Variants in SYN2 observed in about 807,000 individuals in gnomAD.
SYN2 encodes the protein synapsin-2.
SYN2 carries 19 observed loss-of-function variants against 50.9 expected under a neutral mutation model. The observed-to-expected ratio is 0.37, with a 90% CI of 0.26 to 0.55. The LOEUF is 0.55. SYN2 is among the 20% of genes least tolerant of loss of function. SYN2 has a pLI of 0.81. For missense variants in SYN2, 587 were observed against 576.4 expected (o/e 1.02, Z -0.19); for synonymous variants, 255 against 224.9 (o/e 1.13, Z -1.20).
chr3:12,179,374 G>GAAAAAAA (rs536283283), intron 10 of SYN2, among the ~76,000 whole-genome samples: 66 of 92,558 alleles, frequency 7.1e-4, no homozygotes, highest in Non-Finnish European at 9.4e-4. Context: ...AGAACTGAAA[G>GAAAAAAA]AAAAAAAAAA....
chr3:12,122,271 A>C (rs1696577428), intron 1 of SYN2, among the ~76,000 whole-genome samples: 2 of 152,182 alleles, frequency 1.3e-5, no homozygotes, highest in South Asian at 4.1e-4. Flanking sequence ...TCCCAGAAGT[A>C]ATTTGAACTC....
At chr3:12,166,252 A>G (rs969409065) in intron 7 of SYN2, among the ~76,000 whole-genome samples, 11 of 152,220 alleles carry the variant, frequency 7.2e-5, no homozygotes, top group African/African-American at 2.4e-4. Flanking sequence ...GGCTCTGTCG[A>G]CAGTGTAAGC....
chr3:12,021,369 A>G (rs1223938073), intron 1 of SYN2, among the ~76,000 whole-genome samples: 2 of 152,262 alleles, frequency 1.3e-5, no homozygotes, highest in East Asian at 3.9e-4. Context: ...TTTGCAGCAC[A>G]TGGTATTATC....
chr3:12,136,313 A>G (rs1024878349), intron 1 of SYN2, among the ~76,000 whole-genome samples: 1 of 152,236 alleles, frequency 6.6e-6, no homozygotes, highest in Admixed American at 6.5e-5. Flanking sequence ...ACATTATTAA[A>G]TGAGGTAAAA....
At position 12,169,816 on chromosome 3, in the gene SYN2, CA is replaced by C; in HGVS notation, c.1219del (p.Thr407ProfsTer3). ...EHQVEDRQLI[T>X]ELVISKMNQL... ...ATCAGGTGGAGGACAGGCAACTCAT[CA>C]CCGAACTAGTCATCAGCAAGATGAA... is the stretch of plus-strand genomic sequence containing the variant. On this transcript the variant is annotated frameshift_variant, in exon 10 of 13. Transcript: ENST00000621198. LOFTEE classifies it high-confidence loss of function. 6.2e-7 allele frequency: 1 copy of C among 1,613,974 alleles called. No homozygotes were observed. The highest frequency in any genetic ancestry group is 8.5e-7 in the Non-Finnish European group (1 of 1,179,886).
chr3:12,150,369 A>G (rs567740117), intron 4 of SYN2, among the ~76,000 whole-genome samples: 1 of 152,372 alleles, frequency 6.6e-6, no homozygotes, highest in East Asian at 1.9e-4. Flanking sequence ...CCTGAAAGGC[A>G]GCTACTTGCA....
intron 10 of SYN2, among the ~76,000 whole-genome samples, chr3:12,179,685 G>C (rs1244867953): frequency 6.6e-6 from 1 of 152,184 alleles, no homozygotes; most frequent in East Asian, 1.9e-4. Context: ...GTGTAAAGTT[G>C]TCATTTCGAG....
At chr3:12,131,673 A>G (rs1178321576) in intron 1 of SYN2, among the ~76,000 whole-genome samples, 1 of 150,662 alleles carries the variant, frequency 6.6e-6, no homozygotes, top group Non-Finnish European at 1.5e-5. Flanking sequence ...CCTGTATTTG[A>G]TAATCTTGTT....
At chr3:12,114,740 TATTA>T (rs1574948395) in intron 1 of SYN2, among the ~76,000 whole-genome samples, 2 of 152,290 alleles carry the variant, frequency 1.3e-5, no homozygotes, top group Admixed American at 6.5e-5. Flanking sequence ...TTTAGAAACT[TATTA>T]TTTAGAAATG....
At chr3:12,091,287 T>C (rs1252751548) in intron 1 of SYN2, among the ~76,000 whole-genome samples, 1 of 152,196 alleles carries the variant, frequency 6.6e-6, no homozygotes, top group African/African-American at 2.4e-5. Flanking sequence ...ATTACTCTTA[T>C]TTAAGGAGCA....
rs112176398 is a variant in SYN2 at position 12,083,894 on chromosome 3, A to G, written c.378-56757A>G. On this transcript the variant is annotated intron_variant, in intron 1 of 12. Transcript: ENST00000621198. Reference sequence around the variant, plus strand: ...CTGCCAGCACTCTACCAAGTAAGAAATGACCAAAGTTAGGAACAGAGAAAT... The same window carrying G: ...CTGCCAGCACTCTACCAAGTAAGAAGTGACCAAAGTTAGGAACAGAGAAAT... 2.5e-3 allele frequency among the ~76,000 whole-genome samples: 374 copies of G among 152,350 alleles called. 1 individual carries two copies. Among genetic ancestry groups the G allele is most frequent in the Non-Finnish European group, 3.8e-3 (260 of 68,036 alleles).
At chr3:12,075,609 A>G (rs1574925915) in intron 1 of SYN2, among the ~76,000 whole-genome samples, 2 of 152,134 alleles carry the variant, frequency 1.3e-5, no homozygotes, top group Non-Finnish European at 2.9e-5. Context: ...TTTAAATTAG[A>G]AAATTAAATC....
At chr3:12,182,980 C>T (rs1197807421) in intron 10 of SYN2, among the ~76,000 whole-genome samples, 2 of 152,212 alleles carry the variant, frequency 1.3e-5, no homozygotes, top group African/African-American at 2.4e-5. Context: ...ATCAGAAAAC[C>T]AGAAAAGAAA....
chr3:12,034,593 A>G (rs1051063503), intron 1 of SYN2, among the ~76,000 whole-genome samples: 1 of 152,208 alleles, frequency 6.6e-6, no homozygotes, highest in Non-Finnish European at 1.5e-5. Flanking sequence ...TGGCTGCATC[A>G]TAACATGGGG....
intron 1 of SYN2, among the ~76,000 whole-genome samples, chr3:12,015,280 G>A (rs1369773090): frequency 2.0e-5 from 3 of 152,128 alleles, no homozygotes; most frequent in Non-Finnish European, 2.9e-5. Flanking sequence ...ACCTGTCATA[G>A]CAGTTAGCCC....
intron 1 of SYN2, among the ~76,000 whole-genome samples, chr3:12,060,243 A>G (rs1695084532): frequency 2.0e-5 from 3 of 152,118 alleles, no homozygotes; most frequent in Admixed American, 1.3e-4. Flanking sequence ...ACTTTTAGGA[A>G]CCCCACAGGT....
At chr3:12,086,756 A>T (rs189602028) in intron 1 of SYN2, among the ~76,000 whole-genome samples, 61 of 152,334 alleles carry the variant, frequency 4.0e-4, no homozygotes, top group Middle Eastern at 3.4e-3. Flanking sequence ...CACAGCTGAC[A>T]TACTAAATGG....
chr3:12,064,846 A>G, intron 1 of SYN2, among the ~76,000 whole-genome samples: 1 of 152,148 alleles, frequency 6.6e-6, no homozygotes, highest in East Asian at 1.9e-4. Flanking sequence ...TAGAGTTACC[A>G]TATGAGCCAG....
At chr3:12,094,671 A>G (rs1695890892) in intron 1 of SYN2, among the ~76,000 whole-genome samples, 1 of 152,200 alleles carries the variant, frequency 6.6e-6, no homozygotes, top group Admixed American at 6.5e-5. Context: ...AAGATAAGGT[A>G]TTTAAGGGGC....
Sources: gnomAD v4.1 joint callset for allele counts (sites outside exome capture counted in the v4.1 genomes callset) on GRCh38, gnomAD v4.1.1 for gene constraint, MANE v1.5 for transcripts, NCBI Gene and HGNC (gene_info 2026-07-23, HGNC 2026-07-21) for gene names.